The following NRXN1 variants were observed in gnomAD, a reference collection of about 807,000 sequenced individuals.
NRXN1 encodes neurexin-1.
In NRXN1, 39 loss-of-function variants were observed where a neutral mutation model predicts 150.9. The observed-to-expected ratio is 0.26, with a 90% CI of 0.20 to 0.34. The LOEUF is 0.34. Among genes scored for constraint, NRXN1 ranks in the 10% least tolerant of loss-of-function variants. NRXN1 has a pLI of 1.00. For synonymous variants in NRXN1, 924 were observed against 757.0 expected (o/e 1.22, Z -3.62); for missense variants, 1,815 against 1,949.9 (o/e 0.93, Z 1.30).
intron 17 of NRXN1, among the ~76,000 whole-genome samples, chr2:50,391,265 T>A (rs550552029): frequency 6.6e-6 from 1 of 151,260 alleles, no homozygotes; most frequent in Non-Finnish European, 1.5e-5. Flanking sequence ...AAGACTGAGA[T>A]AAAATGCTGG....
At chr2:50,111,212 G>T (rs1001043857) in intron 18 of NRXN1, among the ~76,000 whole-genome samples, 20 of 152,182 alleles carry the variant, frequency 1.3e-4, no homozygotes, top group Middle Eastern at 3.4e-3. Context: ...GTGATCTTAG[G>T]CCCAAACTCT....
At chr2:50,505,543 G>T (rs2092177579) in intron 13 of NRXN1, among the ~76,000 whole-genome samples, 1 of 152,146 alleles carries the variant, frequency 6.6e-6, no homozygotes, top group South Asian at 2.1e-4. Flanking sequence ...GCTGATCTAA[G>T]AAACAATTCA....
chr2:50,786,546 C>T (rs1480299844), intron 5 of NRXN1, among the ~76,000 whole-genome samples: 2 of 152,086 alleles, frequency 1.3e-5, no homozygotes, highest in African/African-American at 4.8e-5. Flanking sequence ...ATTATAGCGC[C>T]ATCAAGTGGA....
At chr2:50,619,902 G>T in intron 8 of NRXN1, 120 bp downstream of exon 8, 1 of 839,826 alleles carries the variant, frequency 1.2e-6, no homozygotes, top group Non-Finnish European at 1.8e-6. Context: ...GTAGAATATT[G>T]AATTTAAAGT....
intron 17 of NRXN1, among the ~76,000 whole-genome samples, chr2:50,399,811 A>ATCTC (rs1205725640): frequency 4.1e-5 from 1 of 24,600 alleles, no homozygotes; most frequent in African/African-American, 2.1e-4. Context: ...AAAAAAAAAA[A>ATCTC]AAAAAAAAAA....
chr2:49,972,769 T>A (rs902021888), intron 21 of NRXN1: 1 of 152,198 alleles, frequency 6.6e-6, no homozygotes, highest in African/African-American at 2.4e-5. Context: ...ACCACAGATA[T>A]GACATTCTGT....
intron 17 of NRXN1, among the ~76,000 whole-genome samples, chr2:50,352,735 A>G (rs114357550): frequency 0.013 from 1,922 of 147,538 alleles, 43 homozygotes; most frequent in African/African-American, 0.045. Flanking sequence ...AAGATCAGAA[A>G]ATGAGAGTAA....
At chr2:49,937,374 C>T (rs1671235498) in intron 22 of NRXN1, among the ~76,000 whole-genome samples, 1 of 152,134 alleles carries the variant, frequency 6.6e-6, no homozygotes, top group Non-Finnish European at 1.5e-5. Context: ...TTGACTAAAT[C>T]TTCCTTGCCT....
At chr2:50,902,517 A>G (rs957284395) in intron 5 of NRXN1, among the ~76,000 whole-genome samples, 1 of 152,194 alleles carries the variant, frequency 6.6e-6, no homozygotes, top group African/African-American at 2.4e-5. Flanking sequence ...AAACAACTTA[A>G]TATCAGTTAA....
Position 49,921,388 on chromosome 2 carries a change from C to T in NRXN1, c.*556G>A, listed in dbSNP as rs531671325. 1 of 152,650 alleles carries T rather than the reference C, an allele frequency of 6.6e-6. No homozygotes were observed. The highest frequency in any genetic ancestry group is 1.5e-5 in the Non-Finnish European group (1 of 68,106). 9.5% of individuals were successfully genotyped at this position (152,650 alleles called of 1,614,324 possible). ...TTTTTGAATGTGTTCCTACACAAGT[C>T]TTCAAAAAAGCCAGCACTTTGTTTC... On this transcript the variant is annotated 3_prime_UTR_variant, in exon 23 of 23. Transcript: ENST00000401669.
Position 50,554,719 on chromosome 2 carries a change from C to G in NRXN1, c.1321-1694G>C, listed in dbSNP as rs188964498. ...TAGGAAAACATTTAGAAATAAAGCC[C>G]ACACATATAATTGGTTTTTATACAT... On this transcript the variant is annotated intron_variant, in intron 8 of 22. Coordinates refer to ENST00000401669, the MANE Select transcript of NRXN1 (RefSeq NM_001330078.2). 3.4e-4 allele frequency among the ~76,000 whole-genome samples: 51 copies of G among 152,142 alleles called. 1 individual carries two copies. The highest frequency in any genetic ancestry group is 5.2e-4 in the Admixed American group (8 of 15,282).
intron 5 of NRXN1, among the ~76,000 whole-genome samples, chr2:50,750,128 A>T (rs1447988872): frequency 1.3e-5 from 2 of 152,012 alleles, no homozygotes; most frequent in African/African-American, 4.8e-5. Context: ...GCTTTCAGTA[A>T]GTTTTATACA....
At chr2:50,418,043 G>A (rs1476901433) in intron 17 of NRXN1, among the ~76,000 whole-genome samples, 1 of 151,912 alleles carries the variant, frequency 6.6e-6, no homozygotes, top group Non-Finnish European at 1.5e-5. Flanking sequence ...TTCTTCCAGA[G>A]GTCTAACCGA....
intron 21 of NRXN1, among the ~76,000 whole-genome samples, chr2:49,999,156 A>G (rs1683495669): frequency 2.0e-5 from 3 of 152,284 alleles, no homozygotes; most frequent in South Asian, 4.1e-4. Context: ...CACACCTTGA[A>G]TAGAAAGATA....
intron 11 of NRXN1, among the ~76,000 whole-genome samples, chr2:50,529,211 T>C (rs1252139202): frequency 6.6e-6 from 1 of 152,214 alleles, no homozygotes; most frequent in Non-Finnish European, 1.5e-5. Flanking sequence ...AACTGCCAGA[T>C]GTTGGCTGGA....
At chr2:50,329,599 G>C (rs1186616907) in intron 17 of NRXN1, among the ~76,000 whole-genome samples, 1 of 25,560 alleles carries the variant, frequency 3.9e-5, no homozygotes, top group African/African-American at 1.4e-4. Flanking sequence ...GTGTGTGTGT[G>C]TGTGTGTGTG....
At chr2:50,100,118 A>T (rs970804651) in intron 18 of NRXN1, among the ~76,000 whole-genome samples, 1 of 152,144 alleles carries the variant, frequency 6.6e-6, no homozygotes, top group Non-Finnish European at 1.5e-5. Flanking sequence ...CTAAGATTTT[A>T]TTGTGTTTTT....
At chr2:50,925,892 A>C in intron 3 of NRXN1, 46 bp downstream of exon 3, 1 of 1,489,746 alleles carries the variant, frequency 6.7e-7, no homozygotes, top group Non-Finnish European at 9.2e-7. Context: ...GTACTAAGAA[A>C]TAAAGGACAA....
intron 17 of NRXN1, among the ~76,000 whole-genome samples, chr2:50,316,754 T>C (rs1454095484): frequency 6.6e-6 from 1 of 151,964 alleles, no homozygotes; most frequent in Non-Finnish European, 1.5e-5. Flanking sequence ...AAATACAAAT[T>C]TGCCGAAAAT....
Sources: gnomAD v4.1 joint callset for allele counts (sites outside exome capture counted in the v4.1 genomes callset) on GRCh38, gnomAD v4.1.1 for gene constraint, MANE v1.5 for transcripts, NCBI Gene and HGNC (gene_info 2026-07-23, HGNC 2026-07-21) for gene names.